The following ZNF134 variants were observed in gnomAD, a reference collection of about 807,000 sequenced individuals.
ZNF134 encodes the protein zinc finger protein 134, also known as zinc finger protein 134 (clone pHZ-15).
In ZNF134, 5 loss-of-function variants were observed where a neutral mutation model predicts 2.5. That is an observed-to-expected ratio of 2.03 (90% confidence interval 1.06 to 4.27). The LOEUF is 4.27. ZNF134 is among the 30% of genes most tolerant of loss of function. The pLI, the probability that ZNF134 is intolerant of heterozygous loss-of-function variation, is 0.00. For synonymous variants in ZNF134, 176 were observed against 176.2 expected (o/e 1.00, Z 0.01); for missense variants, 540 against 517.5 (o/e 1.04, Z -0.42).
At chr19:57,619,336 A>C (rs1981133239) in intron 1 of ZNF134, 76 bp from the exon 2 acceptor site, 2 of 1,172,108 alleles carry the variant, frequency 1.7e-6, no homozygotes, top group Non-Finnish European at 2.5e-6. Flanking sequence ...GTTTTCTTGC[A>C]ATTTTGCATG....
intron 2 of ZNF134, 72 bp from the exon 3 acceptor site, chr19:57,620,088 C>T (rs1175844287): frequency 9.7e-6 from 15 of 1,538,556 alleles, no homozygotes; most frequent in Middle Eastern, 1.8e-4. Context: ...GTACAGCAGA[C>T]ACATATTTGT....
Position 57,619,418 on chromosome 19 carries a change from T to C in ZNF134, c.-51T>C, listed in dbSNP as rs761607876. On this transcript the variant is annotated 5_prime_UTR_variant, in exon 2 of 3. Transcript: ENST00000396161. ...TATGCTTTGTATCTTCCAGATCCTC[T>C]GTGGTTGTTGAATTGTAACAAGAGA... 7.6e-6 allele frequency: 12 copies of C among 1,575,680 alleles called. No individual in the cohort carries two copies. Among genetic ancestry groups the C allele is most frequent in the African/African-American group, 1.3e-5 (1 of 74,258 alleles).
chr19:57,614,546 G>T (rs1161080342), intron 1 of ZNF134, 43 bp downstream of exon 1: 9 of 346,704 alleles, frequency 2.6e-5, no homozygotes, highest in South Asian at 1.5e-4. Context: ...CCCAAATCCT[G>T]AAGTTCCAAA....
Position 57,620,693 on chromosome 19 carries a change from G to C in ZNF134, c.574G>C (p.Val192Leu). The C allele has an allele frequency of 6.2e-7, 1 of 1,614,094 alleles. No individual in the cohort carries two copies. The highest frequency in any genetic ancestry group is 1.1e-5 in the South Asian group (1 of 91,076). The part of the protein sequence containing the change: ...GKAFSRKDTL[V>L]QHQRIHSGEK... Reference sequence around the variant, plus strand: ...AGCTTTCAGCCGCAAAGACACACTTGTCCAGCACCAGAGAATTCATAGTGG... The same window carrying C: ...AGCTTTCAGCCGCAAAGACACACTTCTCCAGCACCAGAGAATTCATAGTGG... Residue 192 changes from valine to leucine, a missense_variant, in exon 3 of 3, where the codon GTC (valine) becomes CTC (leucine). Coordinates refer to ENST00000396161, the MANE Select transcript of ZNF134 (RefSeq NM_003435.5).
chr19:57,617,338 C>T (rs527806320), intron 1 of ZNF134, among the ~76,000 whole-genome samples: 6 of 152,164 alleles, frequency 3.9e-5, no homozygotes, highest in East Asian at 3.9e-4. Context: ...CCAGAGTGGT[C>T]GCTGTAGAGG....
intron 2 of ZNF134, among the ~76,000 whole-genome samples, chr19:57,619,932 C>T (rs1981150480): frequency 6.6e-6 from 1 of 152,192 alleles, no homozygotes; most frequent in Non-Finnish European, 1.5e-5. Context: ...AGTTGGAGAC[C>T]TTGTACTACA....
At position 57,614,442 on chromosome 19, in the gene ZNF134, T is replaced by C. The variant is rs1453573649; in HGVS notation, c.-119T>C. 1 of 443,122 alleles carries C rather than the reference T, an allele frequency of 2.3e-6. No homozygotes were observed. Among genetic ancestry groups the C allele is most frequent in the Non-Finnish European group, 4.5e-6 (1 of 220,512 alleles). 27.4% of individuals were successfully genotyped at this position (443,122 alleles called of 1,614,324 possible). On this transcript the variant is annotated 5_prime_UTR_variant, in exon 1 of 3. Transcript: ENST00000396161. ...CAGGGTCCCGCGACCTGGGACCCCC[T>C]CGCGGCTCCGGGTGGTCTACGAACT... is the stretch of plus-strand genomic sequence containing the variant.
chr19:57,618,596 C>T (rs1021993085), intron 1 of ZNF134, among the ~76,000 whole-genome samples: 5 of 152,146 alleles, frequency 3.3e-5, no homozygotes, highest in Admixed American at 3.3e-4. Flanking sequence ...TATCTGTCCA[C>T]TTGCCTGTTC....
rs779873082 is a variant in ZNF134, at chr19:57,621,110, C to T, written c.991C>T (p.Leu331Phe). 8 of 1,614,102 alleles carry T rather than the reference C, an allele frequency of 5.0e-6. No individual in the cohort carries two copies. The highest frequency in any genetic ancestry group is 6.8e-6 in the Non-Finnish European group (8 of 1,180,050). Reference sequence around the variant, plus strand: ...GAAATCCTTTGGCCACAAATACACCCTCATTAAACATCAGCGAATTCACAC... The same window carrying T: ...GAAATCCTTTGGCCACAAATACACCTTCATTAAACATCAGCGAATTCACAC... ...CGKSFGHKYT[L>F]IKHQRIHTES... Residue 331 changes from leucine (L) to phenylalanine (F), a missense_variant, in exon 3 of 3, where the codon CTC becomes TTC. By Grantham distance (22) the Leu-to-Phe change is conservative. Coordinates refer to ENST00000396161, the MANE Select transcript of ZNF134 (RefSeq NM_003435.5).
intron 1 of ZNF134, among the ~76,000 whole-genome samples, chr19:57,615,524 G>A (rs1981027012): frequency 6.6e-6 from 1 of 151,994 alleles, no homozygotes; most frequent in Non-Finnish European, 1.5e-5. Flanking sequence ...TCAGGCAAAA[G>A]TTTTCTCAGC....
intron 2 of ZNF134, among the ~76,000 whole-genome samples, chr19:57,619,931 C>T (rs187250566): frequency 2.9e-4 from 44 of 152,338 alleles, no homozygotes; most frequent in Non-Finnish European, 5.0e-4. Flanking sequence ...AAGTTGGAGA[C>T]CTTGTACTAC....
chr19:57,614,942 G>A (rs1346116174), intron 1 of ZNF134, among the ~76,000 whole-genome samples: 1 of 152,112 alleles, frequency 6.6e-6, no homozygotes, highest in Non-Finnish European at 1.5e-5. Context: ...TTGCGGTGGT[G>A]GCTGGGCCAG....
At position 57,621,983 on chromosome 19, in the gene ZNF134, ACTGAAGACAG is replaced by A. The variant is rs1414992555; in HGVS notation, c.*582_*591del. 7 of 181,552 alleles carry A rather than the reference ACTGAAGACAG, an allele frequency of 3.9e-5. No homozygotes were observed. The highest frequency in any genetic ancestry group is 2.7e-3 in the Middle Eastern group (1 of 364). The allele number at this position is 181,552 out of a possible 1,614,324, so 11.2% of individuals were successfully genotyped here. ...GTGGATTGAAAACAGGCTCTGCCAA[ACTGAAGACAG>A]CCTTTGTGCGGTGCCTCCAACTTTG... is the stretch of plus-strand genomic sequence containing the variant. On this transcript the variant is annotated 3_prime_UTR_variant, in exon 3 of 3. Coordinates refer to ENST00000396161, the MANE Select transcript of ZNF134 (RefSeq NM_003435.5).
Position 57,621,068 on chromosome 19 carries a change from G to T in ZNF134, c.949G>T (p.Asp317Tyr). ...TATTCACACTGGAGAAAATCCTTATGATTGCAGTGATTGTGGGAAATCCTT... is the reference window on the plus strand; with the variant it reads ...TATTCACACTGGAGAAAATCCTTATTATTGCAGTGATTGTGGGAAATCCTT... ...ESIHTGENPY[D>Y]CSDCGKSFGH... is the part of the protein sequence containing the mutation. Residue 317 changes from aspartate to tyrosine, a missense_variant, in exon 3 of 3, where the codon GAT becomes TAT. By Grantham distance (160) the Asp-to-Tyr change is radical. Transcript: ENST00000396161. 6.2e-7 allele frequency: 1 copy of T among 1,614,174 alleles called. No homozygotes were observed. The highest frequency in any genetic ancestry group is 8.5e-7 in the Non-Finnish European group (1 of 1,180,026).
chr19:57,615,439 G>T (rs1221483014), intron 1 of ZNF134, among the ~76,000 whole-genome samples: 1 of 151,898 alleles, frequency 6.6e-6, no homozygotes, highest in African/African-American at 2.4e-5. Flanking sequence ...AGAAAGGAGG[G>T]GTCCTGGCAT....
chr19:57,619,644 T>G (rs922916293), intron 2 of ZNF134, 136 bp downstream of exon 2: 1 of 976,758 alleles, frequency 1.0e-6, no homozygotes, highest in African/African-American at 1.7e-5. Flanking sequence ...TTCTGTACAC[T>G]CTTGTCATTT....
chr19:57,621,281 G>T lies in ZNF134; in HGVS notation c.1162G>T (p.Val388Phe). ...AGACTTTATCAGAACCTCCCACCTT[G>T]TTCGACACCAAAGAGTTCACACTGG... is the stretch of plus-strand genomic sequence containing the variant. ...GKDFIRTSHL[V>F]RHQRVHTGER... Residue 388 changes from valine to phenylalanine, a missense_variant, in exon 3 of 3, where the codon GTT becomes TTT. Physicochemically the swap from Val to Phe is conservative, Grantham distance 50. Coordinates refer to ENST00000396161, the MANE Select transcript of ZNF134 (RefSeq NM_003435.5). The T allele has an allele frequency of 6.2e-7, 1 of 1,613,810 alleles. No individual in the cohort carries two copies. The highest frequency in any genetic ancestry group is 1.3e-5 in the African/African-American group (1 of 74,834).
intron 1 of ZNF134, among the ~76,000 whole-genome samples, chr19:57,615,538 G>A (rs542058366): frequency 6.6e-6 from 1 of 152,110 alleles, no homozygotes; most frequent in Non-Finnish European, 1.5e-5. Flanking sequence ...TCTCAGCAAG[G>A]CAATTTACTT....
At position 57,621,608 on chromosome 19, in the gene ZNF134, G is replaced by T; in HGVS notation, c.*205G>T. The T allele has an allele frequency of 1.2e-6, 1 of 824,494 alleles. No individual in the cohort carries two copies. Among genetic ancestry groups the T allele is most frequent in the Non-Finnish European group, 2.1e-6 (1 of 476,304 alleles). The allele number at this position is 824,494 out of a possible 1,614,324, so 51.1% of individuals were successfully genotyped here. ...AAACCATCTTAACTCTACCAGCTAA[G>T]ATACCCCAGCATTGGGGAAGGCAGG... On this transcript the variant is annotated 3_prime_UTR_variant, in exon 3 of 3. Transcript: ENST00000396161.
Sources: gnomAD v4.1 joint callset for allele counts (sites outside exome capture counted in the v4.1 genomes callset) on GRCh38, gnomAD v4.1.1 for gene constraint, MANE v1.5 for transcripts, NCBI Gene and HGNC (gene_info 2026-07-23, HGNC 2026-07-21) for gene names.